CHSY3: variants seen among roughly 807,000 people sequenced by gnomAD.
CHSY3 encodes N-acetylgalactosaminyl-proteoglycan 3-beta-glucuronosyltransferase 3.
CHSY3 carries 35 observed loss-of-function variants against 67.2 expected under a neutral mutation model. The observed-to-expected ratio is 0.52, with a 90% CI of 0.40 to 0.69. The LOEUF (loss-of-function observed/expected upper bound fraction) is 0.69. Ranked by LOEUF, CHSY3 falls within the 30% of genes least tolerant of loss-of-function variation. The pLI, the probability that CHSY3 is intolerant of heterozygous loss-of-function variation, is 0.00. For missense variants in CHSY3, 1,069 were observed against 1,138.5 expected (o/e 0.94, Z 0.88); for synonymous variants, 474 against 434.7 (o/e 1.09, Z -1.12).
chr5:130,130,926 G>T (rs1012953955), intron 2 of CHSY3, among the ~76,000 whole-genome samples: 1 of 152,076 alleles, frequency 6.6e-6, no homozygotes, highest in African/African-American at 2.4e-5. Flanking sequence ...TTCTATCTGG[G>T]TATGATTCTC....
intron 2 of CHSY3, among the ~76,000 whole-genome samples, chr5:130,061,770 A>G (rs1396840266): frequency 6.6e-6 from 1 of 152,108 alleles, no homozygotes; most frequent in African/African-American, 2.4e-5. Context: ...CCAAAGAAGA[A>G]GTACAAGTAG....
chr5:130,019,402 G>A (rs1225313820), intron 2 of CHSY3, among the ~76,000 whole-genome samples: 1 of 151,960 alleles, frequency 6.6e-6, no homozygotes, highest in Non-Finnish European at 1.5e-5. Context: ...TTTGCTTCCC[G>A]ATACTCATAC....
intron 2 of CHSY3, among the ~76,000 whole-genome samples, chr5:130,097,883 G>T (rs1264432803): frequency 3.9e-5 from 6 of 152,058 alleles, no homozygotes; most frequent in African/African-American, 1.4e-4. Flanking sequence ...GTGGGCGCCT[G>T]TAGTCCCAGC....
intron 2 of CHSY3, among the ~76,000 whole-genome samples, chr5:130,168,957 A>G (rs1769824463): frequency 6.6e-6 from 1 of 152,128 alleles, no homozygotes; most frequent in African/African-American, 2.4e-5. Context: ...GATGCATTTT[A>G]GAAACTCAGG....
intron 2 of CHSY3, among the ~76,000 whole-genome samples, chr5:129,987,666 T>A (rs1260062331): frequency 1.3e-5 from 2 of 152,212 alleles, no homozygotes; most frequent in Non-Finnish European, 2.9e-5. Flanking sequence ...AAGATCACAC[T>A]GTTAAATTTT....
chr5:130,115,459 A>T (rs897737483), intron 2 of CHSY3, among the ~76,000 whole-genome samples: 4 of 152,154 alleles, frequency 2.6e-5, no homozygotes, highest in Non-Finnish European at 4.4e-5. Context: ...ATGTCTCCAG[A>T]TTACCATAGC....
intron 2 of CHSY3, among the ~76,000 whole-genome samples, chr5:130,103,869 A>G (rs1767330763): frequency 6.6e-6 from 1 of 151,858 alleles, no homozygotes; most frequent in Admixed American, 6.6e-5. Flanking sequence ...CTTGATACAC[A>G]TTTCTTGAAC....
At chr5:129,979,471 T>C (rs554617848) in intron 2 of CHSY3, among the ~76,000 whole-genome samples, 1 of 152,242 alleles carries the variant, frequency 6.6e-6, no homozygotes, top group Non-Finnish European at 1.5e-5. Flanking sequence ...AGACTATTTT[T>C]AGAACAGTTT....
intron 2 of CHSY3, among the ~76,000 whole-genome samples, chr5:130,167,587 A>T (rs1335286838): frequency 6.6e-6 from 1 of 152,174 alleles, no homozygotes; most frequent in African/African-American, 2.4e-5. Flanking sequence ...TTGGCCACGC[A>T]TTGATGGGTA....
intron 2 of CHSY3, among the ~76,000 whole-genome samples, chr5:130,006,279 G>A (rs1480695721): frequency 6.6e-6 from 1 of 152,128 alleles, no homozygotes; most frequent in Non-Finnish European, 1.5e-5. Flanking sequence ...TGCAATGTTA[G>A]GACATAGTAA....
At chr5:130,141,368 A>C (rs1301188485) in intron 2 of CHSY3, 1 of 383,262 alleles carries the variant, frequency 2.6e-6, no homozygotes, top group Non-Finnish European at 5.2e-6. Flanking sequence ...GAGTGCCATG[A>C]CCAAGGACAA....
At chr5:130,077,223 G>C (rs1766295757) in intron 2 of CHSY3, among the ~76,000 whole-genome samples, 1 of 151,940 alleles carries the variant, frequency 6.6e-6, no homozygotes, top group South Asian at 2.1e-4. Context: ...GAAGTATGAG[G>C]CCTGCTTCAC....
intron 2 of CHSY3, among the ~76,000 whole-genome samples, chr5:130,035,055 T>C (rs964319509): frequency 1.4e-4 from 22 of 152,108 alleles, no homozygotes; most frequent in African/African-American, 4.1e-4. Flanking sequence ...CTAGGATGTC[T>C]GTGCTGGTGA....
At chr5:130,107,959 A>G (rs1261729439) in intron 2 of CHSY3, among the ~76,000 whole-genome samples, 1 of 151,764 alleles carries the variant, frequency 6.6e-6, no homozygotes, top group Admixed American at 6.6e-5. Context: ...AGAATCCTTC[A>G]GTATGTTACA....
intron 2 of CHSY3, among the ~76,000 whole-genome samples, chr5:130,035,271 G>A (rs988420267): frequency 6.6e-6 from 1 of 151,970 alleles, no homozygotes; most frequent in Non-Finnish European, 1.5e-5. Flanking sequence ...AGTTTTGTGG[G>A]TATATTTTTA....
rs2149571306 is a variant in CHSY3, at chr5:129,904,789, C to G, written c.-41C>G. 1 of 1,315,096 alleles carries G rather than the reference C, an allele frequency of 7.6e-7. No individual in the cohort carries two copies. The highest frequency in any genetic ancestry group is 3.1e-5 in the East Asian group (1 of 32,312). 81.5% of individuals were successfully genotyped at this position (1,315,096 alleles called of 1,614,324 possible). A position where few individuals can be genotyped will look rare whatever the true frequency, so the allele number is the denominator to read the frequency against. On this transcript the variant is annotated 5_prime_UTR_variant, in exon 1 of 3. Transcript: ENST00000305031. ...TGAGCCGGGGAAACCGCGTGCCGCG[C>G]CGCGACAGCCCAGCGAGCGTCCGCG...
At chr5:130,146,813 G>C (rs184853461) in intron 2 of CHSY3, among the ~76,000 whole-genome samples, 1 of 151,568 alleles carries the variant, frequency 6.6e-6, no homozygotes, top group African/African-American at 2.4e-5. Context: ...TGTTTTTTGA[G>C]ACAGAGTTTC....
intron 2 of CHSY3, among the ~76,000 whole-genome samples, chr5:129,967,725 A>G (rs556330849): frequency 3.7e-4 from 56 of 151,950 alleles, no homozygotes; most frequent in African/African-American, 1.3e-3. Flanking sequence ...AGAAAGGATC[A>G]TTCAAAGGCA....
intron 2 of CHSY3, among the ~76,000 whole-genome samples, chr5:130,102,100 T>G (rs1180149843): frequency 2.6e-5 from 4 of 152,176 alleles, no homozygotes; most frequent in Non-Finnish European, 4.4e-5. Context: ...GCTTGATATC[T>G]TTCACAAGTT....
Sources: allele counts gnomAD v4.1 joint callset (sites outside exome capture counted in the v4.1 genomes callset), GRCh38; gene constraint gnomAD v4.1.1; transcripts MANE v1.5; gene names NCBI Gene and HGNC (gene_info 2026-07-23, HGNC 2026-07-21).